Variants in ALPK2 observed in about 807,000 individuals in gnomAD.
ALPK2 encodes the protein alpha kinase 2, also known as alpha-protein kinase 2.
ALPK2 carries 127 observed loss-of-function variants against 163.1 expected under a neutral mutation model. The observed-to-expected ratio is 0.78, with a 90% CI of 0.67 to 0.90. ALPK2 has a LOEUF of 0.90. ALPK2 is among the 40% of genes least tolerant of loss of function. The pLI is 0.00. For synonymous variants in ALPK2, 953 were observed against 959.1 expected, an observed-to-expected ratio of 0.99 and a Z score of 0.12; for missense variants, 2,360 against 2,589.6, an observed-to-expected ratio of 0.91 and a Z score of 1.92.
intron 12 of ALPK2, among the ~76,000 whole-genome samples, chr18:58,493,625 C>A (rs1036988586): frequency 6.6e-6 from 1 of 152,120 alleles, no homozygotes; most frequent in African/African-American, 2.4e-5. Flanking sequence ...GGCACGCAGA[C>A]CCCAATGGAG....
intron 4 of ALPK2, among the ~76,000 whole-genome samples, chr18:58,573,741 A>G (rs1361394630): frequency 6.8e-6 from 1 of 147,758 alleles, no homozygotes; most frequent in Non-Finnish European, 1.5e-5. Context: ...TTTGTCTTCT[A>G]TAAAACTTTT....
chr18:58,538,091 T>C lies in ALPK2; in HGVS notation c.2096A>G (p.Lys699Arg). ...ISFSNLGGVH[K>R]ENASLAQHSE... ...GTGTTGAGCTAATGATGCATTTTCC[T>C]TGTGGACCCCTCCTAAGTTTGAGAA... The change falls in exon 5 of 13, where the codon AAG (lysine) becomes AGG (arginine). Residue 699 changes from lysine to arginine, a missense_variant. Lys to Arg is a conservative substitution (Grantham distance 26, BLOSUM62 2). Transcript: ENST00000361673. The C allele has an allele frequency of 6.2e-7, 1 of 1,614,192 alleles. No individual in the cohort carries two copies. The highest frequency in any genetic ancestry group is 1.1e-5 in the South Asian group (1 of 91,086).
intron 10 of ALPK2, among the ~76,000 whole-genome samples, chr18:58,510,918 C>G (rs373879551): frequency 1.3e-5 from 2 of 152,198 alleles, no homozygotes; most frequent in Non-Finnish European, 2.9e-5. Flanking sequence ...ACTTCCAACA[C>G]TATGTTGAAT....
chr18:58,590,804 T>C (rs62096312), intron 3 of ALPK2, among the ~76,000 whole-genome samples: 8,310 of 152,260 alleles, frequency 0.055, 290 homozygotes, highest in Non-Finnish European at 0.072. Context: ...ATTCAACAGA[T>C]TGATTGAACC....
chr18:58,502,363 A>T (rs1253141544), intron 11 of ALPK2, among the ~76,000 whole-genome samples: 1 of 151,202 alleles, frequency 6.6e-6, no homozygotes, highest in Non-Finnish European at 1.5e-5. Flanking sequence ...TCAAACAAAT[A>T]AAAAAAAATG....
At chr18:58,596,055 C>G (rs2052039392) in intron 3 of ALPK2, among the ~76,000 whole-genome samples, 1 of 152,228 alleles carries the variant, frequency 6.6e-6, no homozygotes, top group South Asian at 2.1e-4. Context: ...GTTCCCTACT[C>G]AATGACTGGC....
At chr18:58,594,716 T>A (rs1017674115) in intron 3 of ALPK2, among the ~76,000 whole-genome samples, 3 of 152,138 alleles carry the variant, frequency 2.0e-5, no homozygotes, top group African/African-American at 7.2e-5. Flanking sequence ...TTCTACCAAT[T>A]GCTCAGTGCA....
chr18:58,573,846 T>C (rs2051904497), intron 4 of ALPK2, among the ~76,000 whole-genome samples: 2 of 151,946 alleles, frequency 1.3e-5, no homozygotes, highest in South Asian at 4.2e-4. Context: ...AAAAGCAACT[T>C]GAAGCACCAT....
chr18:58,590,616 C>G (rs1012383088), intron 3 of ALPK2, among the ~76,000 whole-genome samples: 20 of 152,202 alleles, frequency 1.3e-4, no homozygotes, highest in Non-Finnish European at 2.1e-4. Flanking sequence ...TATCAATAAT[C>G]ATTTTTATAA....
At chr18:58,522,106 T>G (rs1355238124) in intron 8 of ALPK2, among the ~76,000 whole-genome samples, 1 of 152,212 alleles carries the variant, frequency 6.6e-6, no homozygotes, top group Non-Finnish European at 1.5e-5. Context: ...TGTCAGAATT[T>G]ATCCAATTTC....
chr18:58,521,389 A>C (rs2051550309), intron 8 of ALPK2, among the ~76,000 whole-genome samples: 2 of 152,196 alleles, frequency 1.3e-5, no homozygotes, highest in Admixed American at 1.3e-4. Flanking sequence ...CCCTTCTGAG[A>C]GTCTTCTTAT....
intron 4 of ALPK2, among the ~76,000 whole-genome samples, chr18:58,557,706 ATTTTGTCATTGGAT>A (rs760997478): frequency 0.38 from 52,536 of 138,266 alleles, 9,402 homozygotes; most frequent in East Asian, 0.58. Flanking sequence ...ATATATTTAT[ATTTTGTCATTGGAT>A]TGTATTTATA....
At chr18:58,547,720 C>T (rs1338663247) in intron 4 of ALPK2, among the ~76,000 whole-genome samples, 4 of 152,220 alleles carry the variant, frequency 2.6e-5, no homozygotes, top group African/African-American at 7.2e-5. Flanking sequence ...CAATGTTGCA[C>T]ATAATTTCCG....
In ALPK2 at chr18:58,535,643, T is replaced by C. The variant is rs1330922597; in HGVS notation, c.4544A>G (p.Glu1515Gly). The C allele has an allele frequency of 6.2e-7, 1 of 1,614,128 alleles. No individual in the cohort carries two copies. ...CTCCCCTAAGCTCCCATCACTGCTT[T>C]CTTGTATTTGGCCTATGCTACATCC... is the stretch of plus-strand genomic sequence containing the variant. ...PSGCSIGQIQ[E>G]SSDGSLGEAE... is the part of the protein sequence containing the mutation. Residue 1515 changes from glutamate (E) to glycine (G), a missense_variant, in exon 5 of 13, where the codon GAA becomes GGA. Physicochemically the swap from Glu to Gly is moderately conservative, Grantham distance 98 (BLOSUM62 -2). Transcript: ENST00000361673.
intron 2 of ALPK2, among the ~76,000 whole-genome samples, chr18:58,611,352 C>T (rs2052130216): frequency 6.6e-6 from 1 of 151,182 alleles, no homozygotes. Flanking sequence ...TGATTCATGC[C>T]ATTCCTCTGT....
At chr18:58,513,112 A>G (rs2051502538) in intron 10 of ALPK2, among the ~76,000 whole-genome samples, 1 of 117,750 alleles carries the variant, frequency 8.5e-6, no homozygotes, top group African/African-American at 3.3e-5. Context: ...TGTGTGTTGT[A>G]TGTGGTGTGT....
chr18:58,618,571 A>T (rs1334574336), intron 1 of ALPK2, among the ~76,000 whole-genome samples: 1 of 152,236 alleles, frequency 6.6e-6, no homozygotes, highest in Non-Finnish European at 1.5e-5. Flanking sequence ...GAGTCAGTCT[A>T]TGTAATGCTC....
chr18:58,575,558 C>T (rs922831562), intron 4 of ALPK2, among the ~76,000 whole-genome samples: 1 of 152,188 alleles, frequency 6.6e-6, no homozygotes, highest in Non-Finnish European at 1.5e-5. Flanking sequence ...CGCAGCACTT[C>T]TGATTTAAGG....
chr18:58,505,451 C>G (rs2051457126), intron 10 of ALPK2, among the ~76,000 whole-genome samples: 1 of 152,124 alleles, frequency 6.6e-6, no homozygotes, highest in African/African-American at 2.4e-5. Context: ...GCGCCCTCTT[C>G]CTACTACGAT....
Sources: gnomAD v4.1 joint callset for allele counts (sites outside exome capture counted in the v4.1 genomes callset) on GRCh38, gnomAD v4.1.1 for gene constraint, MANE v1.5 for transcripts, NCBI Gene and HGNC (gene_info 2026-07-23, HGNC 2026-07-21) for gene names.